The following UNC13C variants were observed in gnomAD, a reference collection of about 807,000 sequenced individuals.
UNC13C encodes unc-13 homolog C, also known as protein unc-13 homolog C.
In UNC13C, 174 loss-of-function variants were observed where a neutral mutation model predicts 245.4. The observed-to-expected ratio is 0.71, with a 90% CI of 0.63 to 0.80. The LOEUF is 0.80. Among genes scored for constraint, UNC13C ranks in the 30% least tolerant of loss-of-function variants. UNC13C has a pLI of 0.00. For missense variants in UNC13C, 2,829 were observed against 2,602.9 expected, an observed-to-expected ratio of 1.09 and a Z score of -1.89; for synonymous variants, 992 against 895.1, an observed-to-expected ratio of 1.11 and a Z score of -1.93.
At chr15:53,952,229 A>G in the UNC13C span, among the ~76,000 whole-genome samples, 11 of 152,168 alleles carry the variant, frequency 7.2e-5, no homozygotes, top group Non-Finnish European at 1.5e-4. Context: ...GCTGATCTGG[A>G]GAAAAGTGGG....
intron 4 of UNC13C, among the ~76,000 whole-genome samples, chr15:54,178,520 T>A (rs1209414542): frequency 2.6e-5 from 4 of 152,106 alleles, no homozygotes; most frequent in Admixed American, 6.6e-5. Context: ...TAATAAGTAG[T>A]TCCTAGAAAC....
At chr15:54,467,713 T>C (rs2141037249) in intron 19 of UNC13C, among the ~76,000 whole-genome samples, 1 of 151,864 alleles carries the variant, frequency 6.6e-6, no homozygotes, top group Non-Finnish European at 1.5e-5. Flanking sequence ...ATCCCACGTC[T>C]AGGTGAGATC....
At chr15:54,124,986 A>G (rs1388257405) in intron 2 of UNC13C, among the ~76,000 whole-genome samples, 1 of 152,300 alleles carries the variant, frequency 6.6e-6, no homozygotes, top group East Asian at 1.9e-4. Flanking sequence ...ATTCGGTTTC[A>G]TAAATCTAAA....
At chr15:54,161,938 A>G (rs958735930) in intron 4 of UNC13C, among the ~76,000 whole-genome samples, 40 of 141,950 alleles carry the variant, frequency 2.8e-4, no homozygotes, top group Admixed American at 8.6e-4. Flanking sequence ...ACAGAGAGGG[A>G]CTCCATTTAA....
intron 4 of UNC13C, among the ~76,000 whole-genome samples, chr15:54,218,726 A>C (rs1382805619): frequency 6.6e-6 from 1 of 151,936 alleles, no homozygotes; most frequent in Non-Finnish European, 1.5e-5. Flanking sequence ...CAATCCAAAA[A>C]ATGGGCTGGA....
chr15:54,298,984 T>C (rs2037505887), intron 12 of UNC13C, among the ~76,000 whole-genome samples: 1 of 152,166 alleles, frequency 6.6e-6, no homozygotes, highest in Non-Finnish European at 1.5e-5. Context: ...AAATCGTGTG[T>C]ATATTACACA....
intron 19 of UNC13C, among the ~76,000 whole-genome samples, chr15:54,475,282 T>TG (rs1407893187): frequency 6.3e-4 from 1 of 1,600 alleles, no homozygotes. Flanking sequence ...GGTTTTTTGT[T>TG]TATTATTATT....
chr15:54,262,499 A>G (rs2036451701), intron 8 of UNC13C, among the ~76,000 whole-genome samples: 1 of 152,208 alleles, frequency 6.6e-6, no homozygotes. Flanking sequence ...TATTTACTCC[A>G]GCCTAAGCTA....
intron 7 of UNC13C, among the ~76,000 whole-genome samples, chr15:54,244,464 G>C (rs953267102): frequency 6.6e-6 from 1 of 152,004 alleles, no homozygotes; most frequent in Non-Finnish European, 1.5e-5. Flanking sequence ...GGCTCTTTTT[G>C]GTTCCATACA....
chr15:54,142,345 G>A (rs749535244), intron 2 of UNC13C, among the ~76,000 whole-genome samples: 1 of 152,284 alleles, frequency 6.6e-6, no homozygotes, highest in African/African-American at 2.4e-5. Context: ...GATGTAAAGA[G>A]CACCAGATGG....
intron 30 of UNC13C, among the ~76,000 whole-genome samples, chr15:54,616,521 C>T (rs1033348068): frequency 2.6e-5 from 4 of 151,954 alleles, no homozygotes; most frequent in African/African-American, 9.7e-5. Flanking sequence ...AGGATTCTGA[C>T]CCTGTGTAGG....
intron 4 of UNC13C, among the ~76,000 whole-genome samples, chr15:54,151,865 T>C (rs746779429): frequency 6.6e-6 from 1 of 152,202 alleles, no homozygotes; most frequent in Non-Finnish European, 1.5e-5. Context: ...GTTGGCTTCT[T>C]AGAAAGGGCC....
intron 13 of UNC13C, among the ~76,000 whole-genome samples, chr15:54,317,803 AGTC>A (rs2038048414): frequency 1.6e-4 from 24 of 151,966 alleles, no homozygotes; most frequent in African/African-American, 5.3e-4. Context: ...CATTAACTAT[AGTC>A]ACCATTCTGT....
chr15:54,555,676 C>T (rs1170439721), intron 29 of UNC13C, among the ~76,000 whole-genome samples, 164 bp downstream of exon 29: 1 of 151,962 alleles, frequency 6.6e-6, no homozygotes, highest in African/African-American at 2.4e-5. Flanking sequence ...GTGGTTTTTG[C>T]CATTAATACT....
chr15:53,867,325 A>T, the UNC13C span, among the ~76,000 whole-genome samples: 9 of 152,258 alleles, frequency 5.9e-5, no homozygotes, highest in Non-Finnish European at 1.2e-4. Context: ...CAAAAAAACT[A>T]TAATGAACTA....
At chr15:54,111,749 T>G (rs1190463652) in intron 2 of UNC13C, among the ~76,000 whole-genome samples, 1 of 152,162 alleles carries the variant, frequency 6.6e-6, no homozygotes, top group African/African-American at 2.4e-5. Flanking sequence ...AGCCTAAGAA[T>G]TTTTTAGGGT....
Position 54,294,071 on chromosome 15 carries a change from T to A in UNC13C, c.3988+7T>A. 6.7e-7 allele frequency: 1 copy of A among 1,499,902 alleles called. No individual in the cohort carries two copies. The highest frequency in any genetic ancestry group is 8.9e-7 in the Non-Finnish European group (1 of 1,128,658). 92.9% of individuals were successfully genotyped at this position (1,499,902 alleles called of 1,614,324 possible). Reference sequence around the variant, plus strand: ...GATGTCTGGTACAACTTAGGTGATTTTTTTTTTTATCTACTTGAAAACGAG... The same window carrying A: ...GATGTCTGGTACAACTTAGGTGATTATTTTTTTTATCTACTTGAAAACGAG... On this transcript the variant is annotated splice_region_variant and intron_variant, in intron 11 of 32. Transcript: ENST00000260323.
the UNC13C span, among the ~76,000 whole-genome samples, chr15:53,940,629 T>G: frequency 0.013 from 1,960 of 152,252 alleles, 44 homozygotes; most frequent in African/African-American, 0.046. Flanking sequence ...TTTCAGGATA[T>G]GAAATCGATG....
chr15:54,082,867 G>C (rs1348447023), intron 2 of UNC13C, among the ~76,000 whole-genome samples: 1 of 152,134 alleles, frequency 6.6e-6, no homozygotes, highest in South Asian at 2.1e-4. Flanking sequence ...GTTGTGGATA[G>C]GTTCTGTGTG....
Sources: allele counts gnomAD v4.1 joint callset (sites outside exome capture counted in the v4.1 genomes callset), GRCh38; gene constraint gnomAD v4.1.1; transcripts MANE v1.5; gene names NCBI Gene and HGNC (gene_info 2026-07-23, HGNC 2026-07-21).